The following DOCK3 variants were observed in gnomAD, a reference collection of about 807,000 sequenced individuals.
The protein encoded by DOCK3 is dedicator of cytokinesis 3.
In DOCK3, 60 loss-of-function variants were observed where a neutral mutation model predicts 265.6. The observed-to-expected ratio is 0.23, with a 90% CI of 0.18 to 0.28. The LOEUF is 0.28. Among genes scored for constraint, DOCK3 ranks in the 10% least tolerant of loss-of-function variants. DOCK3 has a pLI of 1.00. For missense variants in DOCK3, 1,981 were observed against 2,594.3 expected, an observed-to-expected ratio of 0.76 and a Z score of 5.14; for synonymous variants, 881 against 938.0, an observed-to-expected ratio of 0.94 and a Z score of 1.11.
intron 5 of DOCK3, among the ~76,000 whole-genome samples, chr3:50,943,622 T>A (rs1465978917): frequency 6.6e-6 from 1 of 152,154 alleles, no homozygotes. Context: ...TTATTTTAAT[T>A]GTTATGAAAA....
intron 1 of DOCK3, among the ~76,000 whole-genome samples, chr3:50,694,351 G>A (rs2035470440): frequency 6.6e-6 from 1 of 152,146 alleles, no homozygotes; most frequent in Non-Finnish European, 1.5e-5. Flanking sequence ...TAAAAATGGA[G>A]ATTTCCTTTA....
intron 1 of DOCK3, among the ~76,000 whole-genome samples, chr3:50,740,402 A>G (rs1397419527): frequency 1.3e-5 from 2 of 152,110 alleles, no homozygotes; most frequent in African/African-American, 4.8e-5. Flanking sequence ...GGAACGGTTA[A>G]ATTATGTGGT....
intron 32 of DOCK3, among the ~76,000 whole-genome samples, chr3:51,328,365 T>C (rs2084291398): frequency 6.6e-6 from 1 of 152,118 alleles, no homozygotes; most frequent in Admixed American, 6.6e-5. Context: ...AGCCAGCAGG[T>C]TGACCCAGTG....
chr3:50,758,184 AAAAAAAAAAAAAG>A (rs2040297201), intron 1 of DOCK3, among the ~76,000 whole-genome samples: 2 of 133,972 alleles, frequency 1.5e-5, no homozygotes, highest in Middle Eastern at 3.5e-3. Flanking sequence ...TCTCAAAAAA[AAAAAAAAAAAAAG>A]AAAAAAAAAA....
chr3:51,293,814 C>A (rs2081923232), intron 27 of DOCK3, among the ~76,000 whole-genome samples: 2 of 152,120 alleles, frequency 1.3e-5, no homozygotes, highest in African/African-American at 4.8e-5. Flanking sequence ...CTTGAGTAGA[C>A]ATTTCTTAAA....
intron 32 of DOCK3, among the ~76,000 whole-genome samples, chr3:51,327,496 TAATTA>T (rs2084205454): frequency 6.6e-6 from 1 of 152,202 alleles, no homozygotes; most frequent in Non-Finnish European, 1.5e-5. Context: ...TCAGTGTCAC[TAATTA>T]TGACAAAATA....
intron 6 of DOCK3, among the ~76,000 whole-genome samples, chr3:51,066,976 A>T (rs1364574998): frequency 2.6e-5 from 4 of 152,202 alleles, no homozygotes; most frequent in African/African-American, 7.2e-5. Flanking sequence ...ATAACAATTT[A>T]GTAAAATACA....
chr3:50,977,682 C>T (rs1453823869), intron 5 of DOCK3, among the ~76,000 whole-genome samples: 18 of 152,154 alleles, frequency 1.2e-4, no homozygotes, highest in African/African-American at 3.6e-4. Context: ...TGAATCTGAA[C>T]GTTGGCCTGC....
chr3:51,244,993 A>T (rs1372167339), intron 21 of DOCK3, among the ~76,000 whole-genome samples: 3 of 152,214 alleles, frequency 2.0e-5, no homozygotes, highest in Non-Finnish European at 4.4e-5. Context: ...AAAAGAGATT[A>T]TATAACTAAT....
At chr3:51,120,099 A>G (rs1262645160) in intron 9 of DOCK3, among the ~76,000 whole-genome samples, 3 of 151,958 alleles carry the variant, frequency 2.0e-5, no homozygotes, top group Non-Finnish European at 4.4e-5. Flanking sequence ...ATCTTCGTAG[A>G]TTTATCTACC....
At chr3:50,677,489 A>C (rs1167911642) in intron 1 of DOCK3, among the ~76,000 whole-genome samples, 1 of 152,180 alleles carries the variant, frequency 6.6e-6, no homozygotes, top group Non-Finnish European at 1.5e-5. Context: ...AAATATAACC[A>C]TTATCATTTT....
chr3:50,796,281 T>A (rs2042775492), intron 2 of DOCK3, among the ~76,000 whole-genome samples: 1 of 152,050 alleles, frequency 6.6e-6, no homozygotes, highest in African/African-American at 2.4e-5. Flanking sequence ...TCCGCCCCCC[T>A]CGGCCTCCCA....
At chr3:50,807,426 C>T (rs993193708) in intron 2 of DOCK3, among the ~76,000 whole-genome samples, 11 of 152,070 alleles carry the variant, frequency 7.2e-5, no homozygotes, top group Non-Finnish European at 1.3e-4. Flanking sequence ...TCCTGAAGGG[C>T]GTTAATCTCT....
intron 41 of DOCK3, among the ~76,000 whole-genome samples, chr3:51,355,504 G>A (rs1428339853): frequency 3.9e-5 from 6 of 152,168 alleles, no homozygotes; most frequent in Non-Finnish European, 8.8e-5. Context: ...GAGAAGATGA[G>A]GAGTTCCTTT....
intron 3 of DOCK3, among the ~76,000 whole-genome samples, chr3:50,881,999 A>T (rs1559763468): frequency 6.6e-6 from 1 of 152,226 alleles, no homozygotes. Flanking sequence ...AAACCTGACA[A>T]AGACAAGCAA....
intron 4 of DOCK3, 146 bp from the exon 5 acceptor site, chr3:50,933,835 A>C (rs2051206492): frequency 1.9e-6 from 1 of 526,284 alleles, no homozygotes; most frequent in Non-Finnish European, 3.4e-6. Flanking sequence ...ATATCATTAT[A>C]AAAAGGTCTT....
intron 5 of DOCK3, among the ~76,000 whole-genome samples, chr3:50,974,791 T>A (rs2077375814): frequency 7.0e-6 from 1 of 143,484 alleles, no homozygotes; most frequent in Admixed American, 7.0e-5. Context: ...GTTCTTCCAT[T>A]TGTTTGTATC....
chr3:50,919,429 T>C (rs963842589), intron 4 of DOCK3, among the ~76,000 whole-genome samples: 1 of 152,212 alleles, frequency 6.6e-6, no homozygotes, highest in African/African-American at 2.4e-5. Flanking sequence ...TTTTATTTCG[T>C]TGAGCAGTGG....
At chr3:50,862,879 A>G (rs2046978577) in intron 3 of DOCK3, among the ~76,000 whole-genome samples, 1 of 139,216 alleles carries the variant, frequency 7.2e-6, no homozygotes, top group Admixed American at 7.8e-5. Flanking sequence ...CACCATGAAA[A>G]GCACAAACCA....
Sources: gnomAD v4.1 joint callset for allele counts (sites outside exome capture counted in the v4.1 genomes callset) on GRCh38, gnomAD v4.1.1 for gene constraint, MANE v1.5 for transcripts, NCBI Gene and HGNC (gene_info 2026-07-23, HGNC 2026-07-21) for gene names.